Variants in UCHL3 observed in about 807,000 individuals in gnomAD.
UCHL3 encodes the protein ubiquitin C-terminal hydrolase L3.
In UCHL3, 22 loss-of-function variants were observed where a neutral mutation model predicts 35.8. The observed-to-expected ratio is 0.61, with a 90% confidence interval of 0.44 to 0.88. UCHL3 has a LOEUF of 0.88. Ranked by LOEUF, UCHL3 falls within the 40% of genes least tolerant of loss-of-function variation. The pLI is 0.00. For missense variants in UCHL3, 229 were observed against 276.9 expected (o/e 0.83, Z 1.23); for synonymous variants, 90 against 92.8 (o/e 0.97, Z 0.17).
chr13:75,584,732 G>T (rs1274524715), intron 6 of UCHL3, among the ~76,000 whole-genome samples: 1 of 151,986 alleles, frequency 6.6e-6, no homozygotes, highest in Non-Finnish European at 1.5e-5. Context: ...CTATCACATG[G>T]GTAATATCAG....
chr13:75,566,865 C>T lies in UCHL3; in HGVS notation c.340+14C>T. On this transcript the variant is annotated intron_variant, in intron 4 of 8. Transcript: ENST00000377595. ...AGATGCACTTTGGTAAATGATTTTT[C>T]ATTACTGCATTTTTTCCCCCTTAAG... 1.3e-6 allele frequency: 2 copies of T among 1,577,042 alleles called. No individual in the cohort carries two copies. Among genetic ancestry groups the T allele is most frequent in the Middle Eastern group, 1.7e-4 (1 of 5,922 alleles).
intron 2 of UCHL3, among the ~76,000 whole-genome samples, chr13:75,551,635 G>A (rs962049762): frequency 4.6e-5 from 7 of 152,130 alleles, no homozygotes; most frequent in Admixed American, 1.3e-4. Context: ...TTATCCTGGT[G>A]TTGCAAAGCT....
chr13:75,588,408 CTCTT>C (rs1276767555), intron 6 of UCHL3, among the ~76,000 whole-genome samples: 1 of 151,982 alleles, frequency 6.6e-6, no homozygotes, highest in African/African-American at 2.4e-5. Flanking sequence ...CTTTCCTTCT[CTCTT>C]TCCTGTTATT....
chr13:75,580,339 C>T lies in UCHL3; in HGVS notation c.474+10832C>T, dbSNP rs1237302639. ...ATTACACTGAAATTTACTAAAAAATCTACAGAAATCCATTTAGAATTAATT... is the reference window on the plus strand; with the variant it reads ...ATTACACTGAAATTTACTAAAAAATTTACAGAAATCCATTTAGAATTAATT... On this transcript the variant is annotated intron_variant, in intron 6 of 8. Coordinates refer to ENST00000377595, the MANE Select transcript of UCHL3 (RefSeq NM_006002.5). 5.9e-5 allele frequency among the ~76,000 whole-genome samples: 9 copies of T among 152,234 alleles called. No homozygotes were observed. In the East Asian group the frequency reaches 1.5e-3, roughly 26 times the overall value.
intron 6 of UCHL3, chr13:75,590,203 G>T (rs1323457082): frequency 6.6e-5 from 79 of 1,199,346 alleles, no homozygotes; most frequent in Non-Finnish European, 7.9e-5. Context: ...TCTTAACTTC[G>T]GTCTTCAGAG....
intron 6 of UCHL3, among the ~76,000 whole-genome samples, chr13:75,582,214 CAG>C (rs2032207107): frequency 6.6e-6 from 1 of 152,138 alleles, no homozygotes; most frequent in East Asian, 1.9e-4. Flanking sequence ...TGTTTAAACT[CAG>C]AGGATTTAAA....
intron 7 of UCHL3, among the ~76,000 whole-genome samples, chr13:75,604,371 C>CA (rs1292157403): frequency 2.0e-5 from 3 of 152,058 alleles, no homozygotes; most frequent in Non-Finnish European, 4.4e-5. Flanking sequence ...CAGTGTAGCT[C>CA]CCTTTCATTG....
At chr13:75,550,068 C>A in intron 2 of UCHL3, 81 bp downstream of exon 2, 1 of 1,594,132 alleles carries the variant, frequency 6.3e-7, no homozygotes, top group Non-Finnish European at 8.6e-7. Flanking sequence ...TCCACCTCCA[C>A]GCTTCCAGGG....
chr13:75,560,943 T>C (rs1162250964), intron 3 of UCHL3, 62 bp downstream of exon 3: 1 of 1,428,046 alleles, frequency 7.0e-7, no homozygotes, highest in Non-Finnish European at 9.3e-7. Context: ...TTCTGTCTTA[T>C]TTTTTGAGGC....
chr13:75,594,564 A>G (rs1404730280), intron 6 of UCHL3, among the ~76,000 whole-genome samples: 2 of 141,712 alleles, frequency 1.4e-5, no homozygotes, highest in African/African-American at 2.6e-5. Context: ...ACTCATACAT[A>G]TCAGTTCATG....
rs1429030224 is a variant in UCHL3, at chr13:75,592,428, A to ATGTATATG, written c.475-2486_475-2485insGTATATGT. On this transcript the variant is annotated intron_variant, in intron 6 of 8. Transcript: ENST00000377595. ...TAATTTTTCCTTCATATATATATATATATATATATATATATATATATATAT... is the reference window on the plus strand; with the variant it reads ...TAATTTTTCCTTCATATATATATATATGTATATGTATATATATATATATATATATATAT... Among the ~76,000 whole-genome samples the ATGTATATG allele has an allele frequency of 1.6e-3, 114 of 72,718 alleles. 2 individuals are homozygous for ATGTATATG. The highest frequency in any genetic ancestry group is 6.3e-3 in the Middle Eastern group (1 of 160). The allele number at this position is 72,718 out of a possible 152,430, so 47.7% of individuals were successfully genotyped here.
At chr13:75,596,273 A>G (rs1433278578) in intron 7 of UCHL3, among the ~76,000 whole-genome samples, 1 of 152,236 alleles carries the variant, frequency 6.6e-6, no homozygotes, top group Non-Finnish European at 1.5e-5. Context: ...CGTTGTCTAC[A>G]ATACTAGAGT....
intron 5 of UCHL3, among the ~76,000 whole-genome samples, chr13:75,568,705 G>A (rs2031765066): frequency 6.6e-6 from 1 of 151,636 alleles, no homozygotes; most frequent in Non-Finnish European, 1.5e-5. Context: ...AATACTGCAA[G>A]GTACATCATT....
chr13:75,592,455 T>TATAC (rs2032531789), intron 6 of UCHL3, among the ~76,000 whole-genome samples: 3 of 109,564 alleles, frequency 2.7e-5, no homozygotes, highest in Non-Finnish European at 5.9e-5. Context: ...TATATATATA[T>TATAC]ATATATATAT....
chr13:75,603,198 C>T (rs924005213), intron 7 of UCHL3, among the ~76,000 whole-genome samples: 1 of 152,064 alleles, frequency 6.6e-6, no homozygotes, highest in Non-Finnish European at 1.5e-5. Context: ...CTGTATTGCC[C>T]AGGCTGGTGT....
At chr13:75,576,403 G>T (rs2032024931) in intron 6 of UCHL3, among the ~76,000 whole-genome samples, 1 of 152,006 alleles carries the variant, frequency 6.6e-6, no homozygotes, top group South Asian at 2.1e-4. Context: ...CTAATTTTTT[G>T]TATTTTTAGT....
intron 6 of UCHL3, among the ~76,000 whole-genome samples, chr13:75,592,450 A>ACATATATATATATATGTATATATG (rs1228010748): frequency 2.5e-5 from 3 of 119,010 alleles, no homozygotes; most frequent in Admixed American, 8.8e-5. Context: ...ATATATATAT[A>ACATATATATATATATGTATATATG]TATATATATA....
At position 75,558,548 on chromosome 13, in the gene UCHL3, AG is replaced by A. The variant is rs769493001; in HGVS notation, c.55-2202del. ...ACAAATAAATTTAAATTCTCTTATCAGGGTTCATGATACTTTTCCTTAAAAG... is the reference window on the plus strand; with the variant it reads ...ACAAATAAATTTAAATTCTCTTATCAGGTTCATGATACTTTTCCTTAAAAG... On this transcript the variant is annotated intron_variant, in intron 2 of 8. Transcript: ENST00000377595. Among the ~76,000 whole-genome samples, 7 of 152,308 alleles carry A rather than the reference AG, an allele frequency of 4.6e-5. No homozygotes were observed. The East Asian group carries it at 9.6e-4, about 21-fold the overall frequency.
At position 75,566,901 on chromosome 13, in the gene UCHL3, A is replaced by G. The variant is rs749761672; in HGVS notation, c.340+50A>G. 3.9e-6 allele frequency: 6 copies of G among 1,545,658 alleles called. No homozygotes were observed. The South Asian group carries it at 6.3e-5, about 16-fold the overall frequency. On this transcript the variant is annotated intron_variant, in intron 4 of 8. Transcript: ENST00000377595. ...TTTTTCCCCCTTAAGATACAAGTTA[A>G]TTGCATTGAGCAGTAGGTGGTGCTC...
Sources: gnomAD v4.1 joint callset for allele counts (sites outside exome capture counted in the v4.1 genomes callset) on GRCh38, gnomAD v4.1.1 for gene constraint, MANE v1.5 for transcripts, NCBI Gene and HGNC (gene_info 2026-07-23, HGNC 2026-07-21) for gene names.